Variants in OTUD7A observed in about 807,000 individuals in gnomAD.
The protein encoded by OTUD7A is OTU domain-containing protein 7A.
A neutral mutation model predicts 65.7 loss-of-function variants in OTUD7A; 12 were observed. The ratio of observed to expected loss-of-function variants is 0.18; its 90% CI spans 0.12 to 0.30. OTUD7A has a LOEUF of 0.30. Among genes scored for constraint, OTUD7A ranks in the 10% least tolerant of loss-of-function variants. The probability of loss-of-function intolerance (pLI) is 1.00; values close to 1 mark genes in which losing one functional copy is unlikely to be tolerated. For synonymous variants in OTUD7A, 641 were observed against 586.3 expected (o/e 1.09, Z -1.35); for missense variants, 1,148 against 1,304.8 (o/e 0.88, Z 1.85).
At chr15:31,605,286 G>A (rs1890206729) in intron 3 of OTUD7A, among the ~76,000 whole-genome samples, 3 of 152,072 alleles carry the variant, frequency 2.0e-5, no homozygotes, top group Admixed American at 2.0e-4. Flanking sequence ...CCATCATTCT[G>A]GCTCCCTCTA....
chr15:31,670,903 G>A (rs1892466328), intron 1 of OTUD7A, among the ~76,000 whole-genome samples: 1 of 152,052 alleles, frequency 6.6e-6, no homozygotes, highest in Admixed American at 6.5e-5. Context: ...GCTGAGACAG[G>A]AGAATGGCAT....
At chr15:31,848,052 C>G (rs1044313937) in intron 1 of OTUD7A, among the ~76,000 whole-genome samples, 1 of 152,192 alleles carries the variant, frequency 6.6e-6, no homozygotes, top group Non-Finnish European at 1.5e-5. Context: ...GGAGGGGACA[C>G]AGAGCTAGAT....
At chr15:31,749,975 A>C (rs903291837) in intron 1 of OTUD7A, among the ~76,000 whole-genome samples, 1 of 152,164 alleles carries the variant, frequency 6.6e-6, no homozygotes, top group African/African-American at 2.4e-5. Context: ...TGGCCACACA[A>C]AAAAATACAA....
Position 31,477,193 on chromosome 15 carries a change from G to A in OTUD7A, c.*6101C>T, listed in dbSNP as rs200224181. On this transcript the variant is annotated 3_prime_UTR_variant, in exon 13 of 13. Coordinates refer to ENST00000307050, the MANE Select transcript of OTUD7A (RefSeq NM_001382637.1). ...CCTCTTCCTCTGCAGCCTTGCTTTG[G>A]TGGCTGGAGGATGAGTCCTTCTAAT... The A allele has an allele frequency of 6.6e-6, 1 of 152,314 alleles. No individual in the cohort carries two copies. Among genetic ancestry groups the A allele is most frequent in the East Asian group, 1.9e-4 (1 of 5,208 alleles). The allele number at this position is 152,314 out of a possible 1,614,324, so 9.4% of individuals were successfully genotyped here.
intron 1 of OTUD7A, among the ~76,000 whole-genome samples, chr15:31,819,734 T>C (rs1270368495): frequency 6.6e-6 from 1 of 151,888 alleles, no homozygotes; most frequent in Non-Finnish European, 1.5e-5. Context: ...ACAGGTAACA[T>C]AAACTAAATA....
intron 1 of OTUD7A, among the ~76,000 whole-genome samples, chr15:31,727,261 G>A (rs1893917638): frequency 6.6e-6 from 1 of 152,320 alleles, no homozygotes; most frequent in Non-Finnish European, 1.5e-5. Flanking sequence ...AGCAGAGCTT[G>A]TGCTGATTTA....
intron 3 of OTUD7A, among the ~76,000 whole-genome samples, 180 bp downstream of exon 3, chr15:31,654,916 A>C (rs1438247478): frequency 5.9e-5 from 9 of 152,238 alleles, no homozygotes; most frequent in Non-Finnish European, 1.3e-4. Context: ...GCTCCATTGA[A>C]CATATTTTCT....
At chr15:31,630,675 T>C (rs1424239464) in intron 3 of OTUD7A, among the ~76,000 whole-genome samples, 1 of 152,232 alleles carries the variant, frequency 6.6e-6, no homozygotes, top group Non-Finnish European at 1.5e-5. Context: ...CTGTCTAACA[T>C]TGACAGTGGG....
chr15:31,662,251 A>C (rs1892185840), intron 1 of OTUD7A, among the ~76,000 whole-genome samples: 1 of 152,192 alleles, frequency 6.6e-6, no homozygotes, highest in Non-Finnish European at 1.5e-5. Flanking sequence ...AATTTCTACT[A>C]ATCTACTATT....
chr15:31,709,984 A>T (rs988755549), intron 1 of OTUD7A, among the ~76,000 whole-genome samples: 1 of 151,022 alleles, frequency 6.6e-6, no homozygotes. Flanking sequence ...ATAAATAGTC[A>T]TGTTTGTGTA....
chr15:31,811,389 G>T (rs894433100), intron 1 of OTUD7A, among the ~76,000 whole-genome samples: 2 of 151,860 alleles, frequency 1.3e-5, no homozygotes, highest in African/African-American at 4.8e-5. Context: ...ACTTGCATGT[G>T]TGGGGGGGTA....
intron 1 of OTUD7A, among the ~76,000 whole-genome samples, chr15:31,758,449 A>G (rs1284722080): frequency 6.9e-6 from 1 of 144,208 alleles, no homozygotes; most frequent in African/African-American, 2.6e-5. Flanking sequence ...ACGATCACAC[A>G]AACTCTGCAG....
chr15:31,551,842 G>A (rs1412722773), intron 5 of OTUD7A, among the ~76,000 whole-genome samples: 1 of 152,202 alleles, frequency 6.6e-6, no homozygotes, highest in Non-Finnish European at 1.5e-5. Context: ...TGGGACTGCG[G>A]TATTGCCTTC....
At chr15:31,569,098 C>T (rs574923962) in intron 4 of OTUD7A, among the ~76,000 whole-genome samples, 2 of 152,294 alleles carry the variant, frequency 1.3e-5, no homozygotes, top group East Asian at 1.9e-4. Context: ...CGGTTTCACA[C>T]ATGGTGAGTA....
chr15:31,747,599 TA>T (rs1474250901), intron 1 of OTUD7A, among the ~76,000 whole-genome samples: 3 of 152,120 alleles, frequency 2.0e-5, no homozygotes, highest in African/African-American at 7.2e-5. Context: ...TCCATATAAA[TA>T]GATGATTAAG....
At chr15:31,697,614 G>C (rs186049842) in intron 1 of OTUD7A, among the ~76,000 whole-genome samples, 136 of 152,118 alleles carry the variant, frequency 8.9e-4, no homozygotes, top group African/African-American at 3.2e-3. Context: ...TGACCTTGAA[G>C]CAGAAGAGGA....
intron 4 of OTUD7A, among the ~76,000 whole-genome samples, chr15:31,560,910 C>T (rs1372319785): frequency 1.3e-5 from 2 of 152,246 alleles, no homozygotes; most frequent in Non-Finnish European, 2.9e-5. Context: ...TCCTTCCCCA[C>T]TTGCAAGAGC....
At chr15:31,699,270 G>C (rs1008222393) in intron 1 of OTUD7A, among the ~76,000 whole-genome samples, 6 of 152,024 alleles carry the variant, frequency 3.9e-5, no homozygotes, top group Non-Finnish European at 8.8e-5. Flanking sequence ...TAGTAGAGAT[G>C]GGGTTTCACC....
At chr15:31,638,059 C>T (rs1331780862) in intron 3 of OTUD7A, among the ~76,000 whole-genome samples, 1 of 152,154 alleles carries the variant, frequency 6.6e-6, no homozygotes, top group Non-Finnish European at 1.5e-5. Flanking sequence ...GGGTAAAATG[C>T]TATCAAATAG....
Sources: gnomAD v4.1 joint callset for allele counts (sites outside exome capture counted in the v4.1 genomes callset) on GRCh38, gnomAD v4.1.1 for gene constraint, MANE v1.5 for transcripts, NCBI Gene and HGNC (gene_info 2026-07-23, HGNC 2026-07-21) for gene names.